The following AMOT variants were observed in gnomAD, a reference collection of about 807,000 sequenced individuals.
AMOT encodes angiomotin.
In AMOT, 11 loss-of-function variants were observed where a neutral mutation model predicts 67.0. The observed-to-expected ratio is 0.16, with a 90% CI of 0.10 to 0.27. The LOEUF is 0.27. Among genes scored for constraint, AMOT ranks in the 10% least tolerant of loss-of-function variants. The probability of loss-of-function intolerance (pLI) is 1.00; values close to 1 mark genes in which losing one functional copy is unlikely to be tolerated. For missense variants in AMOT, 753 were observed against 852.0 expected (o/e 0.88, Z 1.45); for synonymous variants, 326 against 321.4 (o/e 1.01, Z -0.15).
chrX:112,804,261 G>A (rs747731528), intron 8 of AMOT, among the ~76,000 whole-genome samples: 147 of 111,529 alleles, frequency 1.3e-3, no homozygotes, highest in Middle Eastern at 4.6e-3. Context: ...AGTAGCCACT[G>A]AGAACCACAG....
chrX:112,822,714 T>A lies in AMOT; in HGVS notation c.413A>T (p.Asn138Ile). 8.6e-7 allele frequency: 1 copy of A among 1,166,603 alleles called. No individual in the cohort carries two copies. The highest frequency in any genetic ancestry group is 1.1e-6 in the Non-Finnish European group (1 of 872,973). Reference sequence around the variant, plus strand: ...GCGTCCCTCAGTCCTCATCTTCTGGTTGGTGACTCCAGTGACATAGAAGGC... The same window carrying A: ...GCGTCCCTCAGTCCTCATCTTCTGGATGGTGACTCCAGTGACATAGAAGGC... ...GAAFYVTGVT[N>I]QKMRTEGRPS... The change falls in exon 4 of 14, where the codon AAC (asparagine) becomes ATC (isoleucine). Residue 138 changes from asparagine to isoleucine, a missense_variant. Asn to Ile is a moderately radical substitution (Grantham distance 149, BLOSUM62 -3). Coordinates refer to ENST00000371959, the MANE Select transcript of AMOT (RefSeq NM_001113490.2).
intron 2 of AMOT, among the ~76,000 whole-genome samples, chrX:112,826,041 G>T (rs1215238155): frequency 9.1e-6 from 1 of 110,447 alleles, no homozygotes; most frequent in African/African-American, 3.3e-5. Flanking sequence ...ATATAGACTG[G>T]ATGCAAATGA....
Position 112,805,090 on chromosome X carries a change from T to C in AMOT, c.1633A>G (p.Lys545Glu). 1 of 1,211,412 alleles carries C rather than the reference T, an allele frequency of 8.3e-7. No homozygotes were observed. Among genetic ancestry groups the C allele is most frequent in the Non-Finnish European group, 1.1e-6 (1 of 895,442 alleles). ...KTISQLFAKNKESQREKEKLE... is the reference protein window; with the variant it reads ...KTISQLFAKNEESQREKEKLE... ...TTCTCCTTCTCACGCTGGCTTTCTT[T>C]ATCTGTCAGGACATTAAACATCAAC... Residue 545 changes from lysine (K) to glutamate (E), a missense_variant and splice_region_variant, in exon 8 of 14, where the codon AAA becomes GAA. Physicochemically the swap from Lys to Glu is moderately conservative, Grantham distance 56 (BLOSUM62 1). This residue lies in a region of AMOT where 297 missense variants were observed against 284.3 expected (regional missense o/e 1.04). Transcript: ENST00000371959.
chrX:112,793,159 C>T (rs1186260350), intron 8 of AMOT, among the ~76,000 whole-genome samples: 1 of 110,861 alleles, frequency 9.0e-6, no homozygotes, highest in African/African-American at 3.3e-5. Flanking sequence ...AAGTGGGTCA[C>T]ATCTGTCATT....
At chrX:112,819,178 C>T (rs1342566825) in intron 4 of AMOT, 2 of 163,007 alleles carry the variant, frequency 1.2e-5, no homozygotes, top group African/African-American at 6.3e-5. Flanking sequence ...TGACTGGGAG[C>T]CCTCACCCTC....
At chrX:112,832,844 C>A (rs1044570016) in intron 1 of AMOT, among the ~76,000 whole-genome samples, 1 of 111,249 alleles carries the variant, frequency 9.0e-6, no homozygotes, top group African/African-American at 3.3e-5. Context: ...GTGCTGACTG[C>A]AGGTGTGGCA....
intron 10 of AMOT, 89 bp from the exon 11 acceptor site, chrX:112,782,751 A>G: frequency 1.8e-6 from 2 of 1,082,027 alleles, no homozygotes; most frequent in Non-Finnish European, 2.5e-6. Flanking sequence ...GCTTTTCTGG[A>G]AAGTCCTAAG....
In AMOT at chrX:112,776,105, G is replaced by C. The variant is rs1031582428; in HGVS notation, c.*2462C>G. On this transcript the variant is annotated 3_prime_UTR_variant, in exon 14 of 14. Coordinates refer to ENST00000371959, the MANE Select transcript of AMOT (RefSeq NM_001113490.2). ...ACTGAACAGAGAAGAACTGTCTCTGGTGTGAGAGGGTTCTGGAAAGTTCAA... is the reference window on the plus strand; with the variant it reads ...ACTGAACAGAGAAGAACTGTCTCTGCTGTGAGAGGGTTCTGGAAAGTTCAA... 1 of 112,163 alleles carries C rather than the reference G, an allele frequency of 8.9e-6. No homozygotes were observed. The highest frequency in any genetic ancestry group is 3.2e-5 in the African/African-American group (1 of 30,839). The allele number at this position is 112,163 out of a possible 1,213,427, so 9.2% of individuals were successfully genotyped here.
rs770152564 is a variant in AMOT, at chrX:112,799,275, A to AT, written c.1776+5671dup. Reference sequence around the variant, plus strand: ...GGGATATACTAATATATCTGTAAATATTTTTAATGTTTAAAAAATACAAAC... The same window carrying AT: ...GGGATATACTAATATATCTGTAAATATTTTTTAATGTTTAAAAAATACAAAC... On this transcript the variant is annotated intron_variant, in intron 8 of 13. Coordinates refer to ENST00000371959, the MANE Select transcript of AMOT (RefSeq NM_001113490.2). 1.2e-4 allele frequency among the ~76,000 whole-genome samples: 13 copies of AT among 112,495 alleles called. No homozygotes were observed. In the East Asian group the frequency reaches 3.6e-3, roughly 31 times the overall value.
chrX:112,789,540 C>T (rs1196266274), intron 10 of AMOT, among the ~76,000 whole-genome samples: 1 of 110,453 alleles, frequency 9.1e-6, no homozygotes, highest in African/African-American at 3.3e-5. Flanking sequence ...TATAAAGCAC[C>T]GGTTCAGCTC....
At chrX:112,811,610 C>T (rs1049673432) in intron 5 of AMOT, among the ~76,000 whole-genome samples, 1 of 110,795 alleles carries the variant, frequency 9.0e-6, no homozygotes, top group African/African-American at 3.3e-5. Flanking sequence ...GGTCTTTCCT[C>T]GGGTTAAAAA....
rs753075794 is a variant in AMOT at position 112,825,156 on chromosome X, G to C, written c.-147C>G. On this transcript the variant is annotated 5_prime_UTR_variant, in exon 3 of 14. In the 5' UTR this introduces an upstream ATG that the reference lacks. Transcript: ENST00000371959. ...AGCAGCTCCAGAAACCGCAACGGCAGATTCCCTCTCCCCTAACACTCAGGT... is the reference window on the plus strand; with the variant it reads ...AGCAGCTCCAGAAACCGCAACGGCACATTCCCTCTCCCCTAACACTCAGGT... 8.9e-6 allele frequency: 1 copy of C among 111,744 alleles called. No individual in the cohort carries two copies. Among genetic ancestry groups the C allele is most frequent in the Non-Finnish European group, 1.9e-5 (1 of 53,150 alleles). 9.2% of individuals were successfully genotyped at this position (111,744 alleles called of 1,213,427 possible). A position where few individuals can be genotyped will look rare whatever the true frequency, so the allele number is the denominator to read the frequency against.
intron 4 of AMOT, 32 bp from the exon 5 acceptor site, chrX:112,815,909 T>C (rs1449299379): frequency 2.6e-6 from 3 of 1,147,535 alleles, no homozygotes; most frequent in Admixed American, 2.7e-5. Context: ...TGCGGGTTAA[T>C]TTCTCTCCTA....
chrX:112,829,076 C>T (rs1199613365), intron 2 of AMOT, among the ~76,000 whole-genome samples: 1 of 112,123 alleles, frequency 8.9e-6, no homozygotes, highest in Non-Finnish European at 1.9e-5. Flanking sequence ...TGTTCCAGGT[C>T]TGTTCAATAT....
At chrX:112,834,513 T>C (rs764414023) in intron 1 of AMOT, among the ~76,000 whole-genome samples, 2 of 112,094 alleles carry the variant, frequency 1.8e-5, no homozygotes, top group Admixed American at 9.5e-5. Context: ...CCACCCTTTC[T>C]AGCTTGGCCA....
chrX:112,807,210 A>G (rs1279806403), intron 7 of AMOT, among the ~76,000 whole-genome samples: 1 of 109,556 alleles, frequency 9.1e-6, no homozygotes, highest in African/African-American at 3.4e-5. Flanking sequence ...TAAAGGGGTG[A>G]AAAAAAACTG....
chrX:112,791,502 G>A (rs1933589082), intron 9 of AMOT, among the ~76,000 whole-genome samples: 1 of 112,374 alleles, frequency 8.9e-6, no homozygotes, highest in Non-Finnish European at 1.9e-5. Flanking sequence ...GATGATTTCT[G>A]AAGACCATTT....
intron 4 of AMOT, among the ~76,000 whole-genome samples, chrX:112,818,188 C>A (rs138244254): frequency 0.014 from 1,516 of 111,164 alleles, 32 homozygotes; most frequent in African/African-American, 0.047. Context: ...AAAGACTGAA[C>A]GCCCAGTTCT....
intron 1 of AMOT, among the ~76,000 whole-genome samples, chrX:112,834,947 G>A (rs746654470): frequency 1.3e-4 from 15 of 112,074 alleles, no homozygotes; most frequent in African/African-American, 2.3e-4. Flanking sequence ...CCAAAAAGCC[G>A]AGAGGGCCAA....
Sources: gnomAD v4.1 joint callset for allele counts (sites outside exome capture counted in the v4.1 genomes callset) on GRCh38, gnomAD v4.1.1 for gene constraint, gnomAD v4.1.1 regional missense constraint, MANE v1.5 for transcripts, NCBI Gene and HGNC (gene_info 2026-07-23, HGNC 2026-07-21) for gene names.